Variants in DDAH1 observed in about 807,000 individuals in gnomAD.
DDAH1 encodes N(G),N(G)-dimethylarginine dimethylaminohydrolase 1.
DDAH1 carries 19 observed loss-of-function variants against 28.8 expected under a neutral mutation model. The ratio of observed to expected loss-of-function variants is 0.66; its 90% CI spans 0.46 to 0.97. The LOEUF (loss-of-function observed/expected upper bound fraction) is 0.97, where lower values mean the gene tolerates loss of function less well. Ranked by LOEUF, DDAH1 falls within the 50% of genes least tolerant of loss-of-function variation. DDAH1 has a pLI of 0.00. For missense variants in DDAH1, 326 were observed against 375.9 expected, an observed-to-expected ratio of 0.87 and a Z score of 1.10; for synonymous variants, 153 against 154.4, an observed-to-expected ratio of 0.99 and a Z score of 0.07.
intron 1 of DDAH1, among the ~76,000 whole-genome samples, chr1:85,429,554 T>C (rs533769675): frequency 5.9e-4 from 90 of 152,316 alleles, no homozygotes; most frequent in South Asian, 3.5e-3. Flanking sequence ...CTGGGTCAAA[T>C]GGTATTTCTG....
intron 1 of DDAH1, chr1:85,398,430 T>C (rs1191993027): frequency 6.6e-6 from 1 of 152,208 alleles, no homozygotes; most frequent in African/African-American, 2.4e-5. Context: ...TTTTAGTAGA[T>C]TGCAGCCTTG....
At chr1:85,498,010 T>A (rs1021640375) in intron 1 of DDAH1, among the ~76,000 whole-genome samples, 1 of 152,214 alleles carries the variant, frequency 6.6e-6, no homozygotes, top group Admixed American at 6.5e-5. Context: ...GTCTTAAAAC[T>A]TGCCTTCCAG....
chr1:85,497,288 TGAGTTG>T (rs774908442), intron 1 of DDAH1, among the ~76,000 whole-genome samples: 62 of 152,210 alleles, frequency 4.1e-4, no homozygotes, highest in Admixed American at 6.5e-4. Flanking sequence ...AAAATGGCTG[TGAGTTG>T]TACTCTCTAT....
chr1:85,461,803 G>C lies in DDAH1; in HGVS notation c.303+2940C>G, dbSNP rs573581118. ...ACGGTAAACAGGCAATTATCACGTG[G>C]TATGATATATATAAAAGGAAGTTTA... On this transcript the variant is annotated intron_variant, in intron 1 of 5. Transcript: ENST00000284031. Among the ~76,000 whole-genome samples, 6 of 152,294 alleles carry C rather than the reference G, an allele frequency of 3.9e-5. No homozygotes were observed. The South Asian group carries it at 1.2e-3, about 32-fold the overall frequency.
At chr1:85,391,530 C>A (rs1368779823) in intron 1 of DDAH1, among the ~76,000 whole-genome samples, 1 of 152,128 alleles carries the variant, frequency 6.6e-6, no homozygotes, top group Non-Finnish European at 1.5e-5. Context: ...AAACTTATAA[C>A]CCCAGGATAT....
chr1:85,575,021 C>T (rs994547527), intron 1 of DDAH1, among the ~76,000 whole-genome samples: 1 of 152,096 alleles, frequency 6.6e-6, no homozygotes, highest in Non-Finnish European at 1.5e-5. Flanking sequence ...GGGCAGATCG[C>T]TTGAGCCCAG....
chr1:85,329,269 C>T (rs1054937091), intron 4 of DDAH1, among the ~76,000 whole-genome samples: 1 of 152,224 alleles, frequency 6.6e-6, no homozygotes, highest in Non-Finnish European at 1.5e-5. Context: ...CCACGTGTCA[C>T]TGAAGTGACA....
At chr1:85,456,765 T>G (rs1654899512) in intron 1 of DDAH1, among the ~76,000 whole-genome samples, 1 of 152,186 alleles carries the variant, frequency 6.6e-6, no homozygotes. Context: ...GATGACAGGT[T>G]TTCCTGATAC....
chr1:85,348,322 C>A (rs1231223865), intron 4 of DDAH1, among the ~76,000 whole-genome samples: 1 of 152,154 alleles, frequency 6.6e-6, no homozygotes, highest in Admixed American at 6.5e-5. Context: ...CAGTGGTCCT[C>A]TTTTCTGACT....
chr1:85,382,982 T>C (rs576743264), intron 1 of DDAH1, among the ~76,000 whole-genome samples: 2 of 152,338 alleles, frequency 1.3e-5, no homozygotes, highest in Non-Finnish European at 1.5e-5. Flanking sequence ...CCAAGAGTTC[T>C]GATAGAAATG....
rs928044609 is a variant in DDAH1 at position 85,436,216 on chromosome 1, T to C, written c.303+28527A>G. Among the ~76,000 whole-genome samples, 11 of 151,550 alleles carry C rather than the reference T, an allele frequency of 7.3e-5. No homozygotes were observed. The South Asian group carries it at 1.5e-3, about 20-fold the overall frequency. On this transcript the variant is annotated intron_variant, in intron 1 of 5. Coordinates refer to ENST00000284031, the MANE Select transcript of DDAH1 (RefSeq NM_012137.4). ...ATTAGGCCAGGCATGGTGGCTAATA[T>C]TCTTGTGATAATTTAAAAAATTTTT...
chr1:85,431,593 CCTTCCCTCCCTT>C (rs1463323396), intron 1 of DDAH1, among the ~76,000 whole-genome samples: 1 of 152,034 alleles, frequency 6.6e-6, no homozygotes, highest in East Asian at 1.9e-4. Flanking sequence ...CTCCCTCCCT[CCTTCCCTCCCTT>C]CTTTCCTTCC....
chr1:85,432,587 T>C (rs187598146), intron 1 of DDAH1, among the ~76,000 whole-genome samples: 270 of 152,318 alleles, frequency 1.8e-3, no homozygotes, highest in South Asian at 0.015. Context: ...AATGGCACAA[T>C]TGAATTGTAC....
chr1:85,465,254 C>A (rs1655326329), upstream of DDAH1: 2 of 1,075,284 alleles, frequency 1.9e-6, no homozygotes, highest in Non-Finnish European at 2.3e-6. Flanking sequence ...TCCCGCGCGC[C>A]CACTCCGGCG....
chr1:85,545,861 T>C (rs1401127654), intron 1 of DDAH1, among the ~76,000 whole-genome samples: 3 of 152,114 alleles, frequency 2.0e-5, no homozygotes, highest in African/African-American at 7.2e-5. Context: ...GAGGCAAAAG[T>C]CTAACCTCAA....
In DDAH1 at chr1:85,558,218, TG is replaced by T. The variant is rs1424254263; in HGVS notation, c.-123+19765del. ...CTCTACTTAAAATACAAAAATTAGC[TG>T]GGCCTGATGGCGGGCACCTGTAGTC... is the stretch of plus-strand genomic sequence containing the variant. On this transcript the variant is annotated intron_variant, in intron 1 of 6. Transcript: ENST00000426972. 2.6e-5 allele frequency among the ~76,000 whole-genome samples: 4 copies of T among 152,186 alleles called. No homozygotes were observed. In the East Asian group the frequency reaches 5.8e-4, roughly 22 times the overall value.
intron 2 of DDAH1, among the ~76,000 whole-genome samples, chr1:85,488,733 GA>G (rs1192551881): frequency 2.0e-5 from 3 of 152,072 alleles, no homozygotes; most frequent in Non-Finnish European, 4.4e-5. Context: ...TTGCTAATAG[GA>G]TCTGCAGAAA....
At chr1:85,465,271 G>A (rs1021001408), upstream of DDAH1, 9 of 1,037,592 alleles carry the variant, frequency 8.7e-6, no homozygotes, top group Non-Finnish European at 3.5e-6. Flanking sequence ...GGCGCTCGCG[G>A]GTCTCGCGCC....
intron 1 of DDAH1, among the ~76,000 whole-genome samples, chr1:85,508,522 C>T (rs1366863829): frequency 6.6e-6 from 1 of 152,232 alleles, no homozygotes; most frequent in East Asian, 1.9e-4. Flanking sequence ...GGGGTGTTGC[C>T]TCACCTGAGA....
Sources: gnomAD v4.1 joint callset for allele counts (sites outside exome capture counted in the v4.1 genomes callset) on GRCh38, gnomAD v4.1.1 for gene constraint, MANE v1.5 for transcripts, NCBI Gene and HGNC (gene_info 2026-07-23, HGNC 2026-07-21) for gene names.